GPR158: variants seen among roughly 807,000 people sequenced by gnomAD.
The protein encoded by GPR158 is G protein-coupled receptor 158, also known as metabotropic glycine receptor.
GPR158 carries 30 observed loss-of-function variants against 78.2 expected under a neutral mutation model. That is an observed-to-expected ratio of 0.38 (90% CI 0.29 to 0.52). The LOEUF is 0.52. Among genes scored for constraint, GPR158 ranks in the 20% least tolerant of loss-of-function variants. GPR158 has a pLI of 0.83. For missense variants in GPR158, 1,463 were observed against 1,523.5 expected, an observed-to-expected ratio of 0.96 and a Z score of 0.66; for synonymous variants, 581 against 591.1, an observed-to-expected ratio of 0.98 and a Z score of 0.25.
chr10:25,341,030 A>G (rs989788374), intron 2 of GPR158, among the ~76,000 whole-genome samples: 2 of 152,042 alleles, frequency 1.3e-5, no homozygotes, highest in African/African-American at 4.8e-5. Context: ...GTTAGATAGG[A>G]TGGAAGGCAG....
chr10:25,538,972 C>T (rs537272345), intron 5 of GPR158, among the ~76,000 whole-genome samples: 7 of 152,156 alleles, frequency 4.6e-5, no homozygotes, highest in Admixed American at 1.3e-4. Flanking sequence ...TTCCATGAAG[C>T]GCCTCTTCTC....
Position 25,597,891 on chromosome 10 carries a change from G to C in GPR158, c.2265G>C (p.Met755Ile), listed in dbSNP as rs1222272507. The C allele has an allele frequency of 6.2e-7, 1 of 1,606,208 alleles. No homozygotes were observed. Among genetic ancestry groups the C allele is most frequent in the Non-Finnish European group, 8.5e-7 (1 of 1,176,726 alleles). Residue 755 changes from methionine (M) to isoleucine (I), a missense_variant, in exon 11 of 11, where the codon ATG becomes ATC. Coordinates refer to ENST00000376351, the MANE Select transcript of GPR158 (RefSeq NM_020752.3). ...AGAAGGGCCTAGGTCGTTCCATCAT[G>C]AGACGCATTACGGAGATCCCAGAGA... ...CSKKGLGRSI[M>I]RRITEIPETV... is the part of the protein sequence containing the mutation.
chr10:25,411,859 A>C (rs1040933518), intron 3 of GPR158, among the ~76,000 whole-genome samples: 1 of 137,510 alleles, frequency 7.3e-6, no homozygotes, highest in African/African-American at 2.7e-5. Flanking sequence ...GTGTGAACCC[A>C]GGAGGCGGAG....
chr10:25,466,793 C>A, intron 5 of GPR158, 74 bp downstream of exon 5: 2 of 656,904 alleles, frequency 3.0e-6, no homozygotes, highest in East Asian at 3.0e-5. Flanking sequence ...TGTTTACACA[C>A]ACACACACAC....
chr10:25,407,071 T>C (rs1266402222), intron 3 of GPR158, among the ~76,000 whole-genome samples: 1 of 152,212 alleles, frequency 6.6e-6, no homozygotes, highest in East Asian at 1.9e-4. Flanking sequence ...AGATTTTGAA[T>C]AACTTATTTT....
Position 25,599,079 on chromosome 10 carries a change from G to C in GPR158, c.3453G>C (p.Val1151=), listed in dbSNP as rs777542802. 2.5e-6 allele frequency: 4 copies of C among 1,613,406 alleles called. No individual in the cohort carries two copies. The highest frequency in any genetic ancestry group is 2.5e-6 in the Non-Finnish European group (3 of 1,179,942). The change falls in exon 11 of 11, where the codon GTG becomes GTC. Residue 1151 remains valine, a synonymous_variant. Transcript: ENST00000376351. ...EKKTSSSEEN[V]RGSYNSSNNF... ...AGACATCTTCTTCTGAGGAGAATGT[G>C]CGTGGCTCCTATAACTCAAGTAATA...
chr10:25,268,241 T>G (rs573203672), intron 2 of GPR158, among the ~76,000 whole-genome samples: 6 of 152,152 alleles, frequency 3.9e-5, no homozygotes, highest in Non-Finnish European at 8.8e-5. Flanking sequence ...GTAAACTGTT[T>G]AACCTGAAAA....
chr10:25,205,823 T>C (rs1055842531), intron 1 of GPR158, among the ~76,000 whole-genome samples: 2 of 152,076 alleles, frequency 1.3e-5, no homozygotes, highest in African/African-American at 4.8e-5. Context: ...GTTTTTTTTT[T>C]AATTTGCTGA....
chr10:25,326,244 T>C (rs1176613007), intron 2 of GPR158, among the ~76,000 whole-genome samples: 1 of 152,192 alleles, frequency 6.6e-6, no homozygotes, highest in Non-Finnish European at 1.5e-5. Flanking sequence ...CTGAGGATAA[T>C]GGCTTCCAGC....
intron 2 of GPR158, among the ~76,000 whole-genome samples, chr10:25,296,497 T>A (rs2130770129): frequency 1.3e-5 from 2 of 151,718 alleles, no homozygotes; most frequent in East Asian, 3.9e-4. Context: ...ATCTAATCTA[T>A]CTATTGATTG....
intron 4 of GPR158, among the ~76,000 whole-genome samples, chr10:25,413,153 T>C (rs1433036401): frequency 6.8e-6 from 1 of 147,214 alleles, no homozygotes; most frequent in African/African-American, 2.6e-5. Context: ...AGACCCTGTC[T>C]CTACAAAAAA....
chr10:25,316,903 G>GTA (rs1564420182), intron 2 of GPR158, among the ~76,000 whole-genome samples: 6 of 135,538 alleles, frequency 4.4e-5, no homozygotes, highest in East Asian at 2.0e-4. Context: ...GTGTGTGTGT[G>GTA]TGTGTGTTTA....
At chr10:25,352,460 C>A (rs1855488567) in intron 2 of GPR158, among the ~76,000 whole-genome samples, 1 of 151,900 alleles carries the variant, frequency 6.6e-6, no homozygotes, top group Non-Finnish European at 1.5e-5. Flanking sequence ...GTTTTTAGAA[C>A]CTTCCACATA....
intron 2 of GPR158, among the ~76,000 whole-genome samples, chr10:25,277,832 A>G (rs900725751): frequency 6.6e-6 from 1 of 152,176 alleles, no homozygotes; most frequent in African/African-American, 2.4e-5. Context: ...GGTTTTAGGG[A>G]AGAGACAGGA....
chr10:25,362,975 T>A (rs890971187), intron 2 of GPR158, among the ~76,000 whole-genome samples: 1 of 151,874 alleles, frequency 6.6e-6, no homozygotes, highest in Non-Finnish European at 1.5e-5. Flanking sequence ...TCACCTAAGG[T>A]GTCTCTTGTT....
intron 2 of GPR158, among the ~76,000 whole-genome samples, chr10:25,334,714 A>G (rs1002535727): frequency 1.3e-5 from 2 of 151,976 alleles, no homozygotes; most frequent in African/African-American, 4.8e-5. Context: ...GTAAGATGGT[A>G]TCAGTATTAC....
At chr10:25,539,206 G>C (rs1397522540) in intron 5 of GPR158, among the ~76,000 whole-genome samples, 3 of 152,142 alleles carry the variant, frequency 2.0e-5, no homozygotes, top group African/African-American at 7.2e-5. Context: ...CTCCAAGACT[G>C]GCTTATGTGT....
chr10:25,374,932 T>C (rs1834055369), intron 2 of GPR158, among the ~76,000 whole-genome samples: 1 of 151,782 alleles, frequency 6.6e-6, no homozygotes, highest in Non-Finnish European at 1.5e-5. Flanking sequence ...TTATGTCACA[T>C]GGAAAGTGCA....
At chr10:25,290,213 G>C (rs1019218652) in intron 2 of GPR158, among the ~76,000 whole-genome samples, 1 of 152,114 alleles carries the variant, frequency 6.6e-6, no homozygotes, top group African/African-American at 2.4e-5. Flanking sequence ...ATATATCAAA[G>C]ACATTTCATA....
Sources: allele counts gnomAD v4.1 joint callset (sites outside exome capture counted in the v4.1 genomes callset), GRCh38; gene constraint gnomAD v4.1.1; transcripts MANE v1.5; gene names NCBI Gene and HGNC (gene_info 2026-07-23, HGNC 2026-07-21).